Variants in DRAXIN observed in about 807,000 individuals in gnomAD.
DRAXIN encodes the protein dorsal repulsive axon guidance protein.
In DRAXIN, 27 loss-of-function variants were observed where a neutral mutation model predicts 33.9. The ratio of observed to expected loss-of-function variants is 0.80; its 90% CI spans 0.59 to 1.10. The LOEUF is 1.10. Ranked by LOEUF, DRAXIN falls within the 50% of genes least tolerant of loss-of-function variation. The pLI, the probability that DRAXIN is intolerant of heterozygous loss-of-function variation, is 0.00. For synonymous variants in DRAXIN, 178 were observed against 194.0 expected (o/e 0.92, Z 0.69); for missense variants, 371 against 460.8 (o/e 0.81, Z 1.78).
In DRAXIN at chr1:11,719,622, G is replaced by C. The variant is rs1641630727; in HGVS notation, c.976G>C (p.Val326Leu). The C allele has an allele frequency of 6.2e-7, 1 of 1,613,926 alleles. No homozygotes were observed. Among genetic ancestry groups the C allele is most frequent in the Admixed American group, 1.7e-5 (1 of 59,994 alleles). Residue 326 changes from valine (V) to leucine (L), a missense_variant, in exon 7 of 7, where the codon GTT becomes CTT. Transcript: ENST00000294485. ...TGCCAAATTCCACCGGAACCGCAGG[G>C]TTACACGGAGGAAAGGGCGCTGTGT... is the stretch of plus-strand genomic sequence containing the variant. The part of the protein sequence containing the change: ...CYAKFHRNRR[V>L]TRRKGRCVEP...
chr1:11,704,771 C>T lies in DRAXIN; in HGVS notation c.-10-1478C>T, dbSNP rs1016255195. On this transcript the variant is annotated intron_variant, in intron 1 of 6. Transcript: ENST00000294485. This position sits in a 1 kb window ranked among gnomAD's most constrained non-coding sequence, Gnocchi z 4.6. ...GGATAGGGGACAAGATGGAAAGTGACGGCCACCTCCTTGTCTCCATCCACA... is the reference window on the plus strand; with the variant it reads ...GGATAGGGGACAAGATGGAAAGTGATGGCCACCTCCTTGTCTCCATCCACA... Among the ~76,000 whole-genome samples, 2 of 152,208 alleles carry T rather than the reference C, an allele frequency of 1.3e-5. No homozygotes were observed. Among genetic ancestry groups the T allele is most frequent in the Non-Finnish European group, 2.9e-5 (2 of 68,034 alleles).
intron 1 of DRAXIN, among the ~76,000 whole-genome samples, chr1:11,702,441 C>A (rs532557406): frequency 6.6e-6 from 1 of 151,244 alleles, no homozygotes; most frequent in South Asian, 2.1e-4. Flanking sequence ...GCTAACACTC[C>A]TACACACTCA....
At chr1:11,718,995 G>A (rs1464532253) in intron 6 of DRAXIN, among the ~76,000 whole-genome samples, 1 of 152,014 alleles carries the variant, frequency 6.6e-6, no homozygotes, top group Admixed American at 6.6e-5. Flanking sequence ...CCACCTCCCG[G>A]GTTCATGTGA....
Position 11,692,369 on chromosome 1 carries a change from CCCAGGAGGCTGG to C in DRAXIN, c.-11+517_-11+528del, listed in dbSNP as rs1200861492. 2.6e-5 allele frequency among the ~76,000 whole-genome samples: 4 copies of C among 152,198 alleles called. No individual in the cohort carries two copies. Among genetic ancestry groups the C allele is most frequent in the Admixed American group, 6.5e-5 (1 of 15,290 alleles). On this transcript the variant is annotated intron_variant, in intron 1 of 6. Transcript: ENST00000294485. This position sits in a 1 kb window ranked among gnomAD's most constrained non-coding sequence, Gnocchi z 5.8. The stretch of plus-strand genomic sequence containing the variant: ...TGCCCTCCAGCCCCTTTCGAGGCCG[CCCAGGAGGCTGG>C]GGTGTGTGGCCGGGGTCGCTGAGTG...
At chr1:11,703,256 G>T (rs1641326387) in intron 1 of DRAXIN, among the ~76,000 whole-genome samples, 1 of 152,216 alleles carries the variant, frequency 6.6e-6, no homozygotes, top group African/African-American at 2.4e-5. Flanking sequence ...AGGCATGTGG[G>T]AGCACCAAGC....
intron 1 of DRAXIN, among the ~76,000 whole-genome samples, chr1:11,700,061 A>C (rs1641249488): frequency 2.0e-5 from 3 of 152,068 alleles, no homozygotes; most frequent in Non-Finnish European, 4.4e-5. Context: ...ACATGGTGAA[A>C]TCCTGTCTCT....
intron 3 of DRAXIN, among the ~76,000 whole-genome samples, chr1:11,710,921 C>A (rs200886385): frequency 2.7e-3 from 240 of 90,090 alleles, no homozygotes; most frequent in African/African-American, 2.8e-3. Context: ...GACTCCATCT[C>A]AAAAAAAAAA....
chr1:11,706,207 G>C lies in DRAXIN; in HGVS notation c.-10-42G>C. On this transcript the variant is annotated intron_variant, in intron 1 of 6. Coordinates refer to ENST00000294485, the MANE Select transcript of DRAXIN (RefSeq NM_198545.4). The surrounding 1 kb of genome is among the most constrained non-coding windows in gnomAD (Gnocchi z 5.5). ...TCATTTGAGTGAGGGGCAGCAGAGA[G>C]AGGCCTGGGGCTGCGCATTCATGGT... 1.4e-6 allele frequency: 2 copies of C among 1,461,688 alleles called. No individual in the cohort carries two copies. The highest frequency in any genetic ancestry group is 1.4e-5 in the South Asian group (1 of 70,672). The allele number at this position is 1,461,688 out of a possible 1,614,324, so 90.5% of individuals were successfully genotyped here. A position where few individuals can be genotyped will look rare whatever the true frequency, so the allele number is the denominator to read the frequency against.
chr1:11,706,298 CTCG>C lies in DRAXIN; in HGVS notation c.43_45del (p.Val15del). 1 of 1,612,418 alleles carries C rather than the reference CTCG, an allele frequency of 6.2e-7. No individual in the cohort carries two copies. The highest frequency in any genetic ancestry group is 1.7e-5 in the Admixed American group (1 of 59,804). On this transcript the variant is annotated inframe_deletion, in exon 2 of 7. Coordinates refer to ENST00000294485, the MANE Select transcript of DRAXIN (RefSeq NM_198545.4). This position sits in a 1 kb window ranked among gnomAD's most constrained non-coding sequence, Gnocchi z 5.5. ...CATCCACACCGCTCCCATGCTGTTCCTCGTCCTCCTGCTGCCCCTGGAGCTGAG... is the reference window on the plus strand; with the variant it reads ...CATCCACACCGCTCCCATGCTGTTCCTCCTCCTGCTGCCCCTGGAGCTGAG...
intron 2 of DRAXIN, 107 bp from the exon 3 acceptor site, chr1:11,709,168 C>A: frequency 1.7e-6 from 2 of 1,206,492 alleles, no homozygotes; most frequent in Non-Finnish European, 1.1e-6. Flanking sequence ...GCTTGTCACA[C>A]AGTGCCTGCT....
chr1:11,695,061 G>A (rs534403239), intron 1 of DRAXIN, among the ~76,000 whole-genome samples: 1 of 152,154 alleles, frequency 6.6e-6, no homozygotes, highest in Admixed American at 6.5e-5. Context: ...ACCTTCCCTG[G>A]GACTCACAGC....
rs1291955364 is a variant in DRAXIN, at chr1:11,720,030, A to AGT, written c.*336_*337dup. 3.6e-6 allele frequency: 1 copy of AGT among 278,526 alleles called. No individual in the cohort carries two copies. The highest frequency in any genetic ancestry group is 2.1e-5 in the African/African-American group (1 of 47,260). The allele number at this position is 278,526 out of a possible 1,614,324, so 17.3% of individuals were successfully genotyped here. ...TTCAAAACCAAGAGGCGTTTTTGAG[A>AGT]GTGGAAAAGAAATTTAAACTTCCCG... On this transcript the variant is annotated 3_prime_UTR_variant, in exon 7 of 7. Transcript: ENST00000294485.
upstream of DRAXIN, among the ~76,000 whole-genome samples, chr1:11,689,685 C>G (rs1038468262): frequency 3.3e-5 from 5 of 152,216 alleles, no homozygotes; most frequent in African/African-American, 1.2e-4. Context: ...TAAAAATGGG[C>G]AACCAGCAAC....
At chr1:11,716,601 C>T (rs535383646) in intron 6 of DRAXIN, among the ~76,000 whole-genome samples, 2 of 152,144 alleles carry the variant, frequency 1.3e-5, no homozygotes, top group African/African-American at 2.4e-5. Flanking sequence ...GATGATGGAG[C>T]GAGACCCTGT....
chr1:11,715,098 G>C, intron 5 of DRAXIN, 21 bp from the exon 6 acceptor site: 2 of 1,613,986 alleles, frequency 1.2e-6, no homozygotes, highest in South Asian at 1.1e-5. Flanking sequence ...GGCTGACTGC[G>C]TGTGCTCTCT....
chr1:11,686,807 TA>T (rs560855200), upstream of DRAXIN, among the ~76,000 whole-genome samples: 7,324 of 104,520 alleles, frequency 0.07, 423 homozygotes, highest in African/African-American at 0.17. Context: ...ACTGCCACTT[TA>T]AAAAAAAAAA....
chr1:11,695,990 G>A (rs9430616), intron 1 of DRAXIN, among the ~76,000 whole-genome samples: 94,209 of 152,010 alleles, frequency 0.62, 29,417 homozygotes, highest in East Asian at 0.82. Context: ...GGCTGCTGTC[G>A]GAAACAATAA....
chr1:11,709,277 C>T lies in DRAXIN; in HGVS notation c.454C>T (p.Arg152Ter), dbSNP rs370514483. The change falls in exon 3 of 7, where the codon CGA (arginine) becomes TGA (stop). Residue 152 changes from arginine to a stop codon, truncating the protein, a stop_gained and splice_region_variant. Transcript: ENST00000294485. LOFTEE classifies it high-confidence loss of function. The stretch of plus-strand genomic sequence containing the variant: ...GTGCTCCCCACCCTGTGTCTCAGGC[C>T]GAGCCTTGGTCCGAGGTCCCAGCTC... ...RRDRLRLHQG[R>*]ALVRGPSSLM... is the part of the protein sequence containing the mutation. 10 of 1,609,926 alleles carry T rather than the reference C, an allele frequency of 6.2e-6. No individual in the cohort carries two copies. The highest frequency in any genetic ancestry group is 2.2e-5 in the East Asian group (1 of 44,794).
At chr1:11,690,863 T>A (rs1246964176), upstream of DRAXIN, among the ~76,000 whole-genome samples, 1 of 152,056 alleles carries the variant, frequency 6.6e-6, no homozygotes, top group Non-Finnish European at 1.5e-5. This position sits in a 1 kb window ranked among gnomAD's most constrained non-coding sequence, Gnocchi z 4.2. Context: ...TTTGTCCGGG[T>A]TGGGCCGGTC....
Sources: gnomAD v4.1 joint callset for allele counts (sites outside exome capture counted in the v4.1 genomes callset) on GRCh38, gnomAD v4.1.1 for gene constraint, Gnocchi (gnomAD v3.1) non-coding constraint, MANE v1.5 for transcripts, NCBI Gene and HGNC (gene_info 2026-07-23, HGNC 2026-07-21) for gene names.